The following C10orf90 variants were observed in gnomAD, a reference collection of about 807,000 sequenced individuals.
The protein encoded by C10orf90 is (E2-independent) E3 ubiquitin-conjugating enzyme FATS.
Under a neutral mutation model 62.5 loss-of-function variants are expected in C10orf90, and 56 were observed. That is an observed-to-expected ratio of 0.90 (90% CI 0.72 to 1.12). The LOEUF is 1.12. C10orf90 is among the 50% of genes most tolerant of loss of function. C10orf90 has a pLI of 0.00. For missense variants in C10orf90, 970 were observed against 880.4 expected, an observed-to-expected ratio of 1.10 and a Z score of -1.29; for synonymous variants, 386 against 340.4, an observed-to-expected ratio of 1.13 and a Z score of -1.47.
At chr10:126,466,281 A>G (rs1191487438) in intron 4 of C10orf90, among the ~76,000 whole-genome samples, 1 of 152,040 alleles carries the variant, frequency 6.6e-6, no homozygotes, top group Non-Finnish European at 1.5e-5. Flanking sequence ...TGGGAGGCCG[A>G]GGCGGGTGGA....
At chr10:126,484,109 T>C (rs1490267902) in intron 4 of C10orf90, among the ~76,000 whole-genome samples, 2 of 152,150 alleles carry the variant, frequency 1.3e-5, no homozygotes. Flanking sequence ...CAAAGAAAGT[T>C]ATCCTTCTCT....
intron 2 of C10orf90, among the ~76,000 whole-genome samples, chr10:126,548,271 A>G (rs1351299930): frequency 6.6e-6 from 1 of 152,116 alleles, no homozygotes; most frequent in Non-Finnish European, 1.5e-5. Context: ...GGCCGGGCAC[A>G]GTGGCTCGTG....
intron 2 of C10orf90, among the ~76,000 whole-genome samples, chr10:126,519,370 A>G (rs1228135225): frequency 2.0e-5 from 3 of 152,224 alleles, no homozygotes; most frequent in African/African-American, 7.2e-5. Flanking sequence ...TATCTCTACA[A>G]AAGTAGCAGA....
chr10:126,556,797 G>C (rs570035581), intron 2 of C10orf90, among the ~76,000 whole-genome samples: 2 of 152,112 alleles, frequency 1.3e-5, no homozygotes, highest in African/African-American at 4.8e-5. Flanking sequence ...GCAGGAGAGA[G>C]TTCCTGTAGA....
At chr10:126,454,224 A>G (rs1466456660) in intron 7 of C10orf90, among the ~76,000 whole-genome samples, 1 of 151,962 alleles carries the variant, frequency 6.6e-6, no homozygotes, top group Non-Finnish European at 1.5e-5. Context: ...ATATACCCCT[A>G]TGACCTGCAG....
At chr10:126,602,634 C>G (rs115997853) in intron 2 of C10orf90, among the ~76,000 whole-genome samples, 1 of 152,100 alleles carries the variant, frequency 6.6e-6, no homozygotes. Flanking sequence ...CATAACCACA[C>G]GAGTGCTTTG....
intron 2 of C10orf90, among the ~76,000 whole-genome samples, chr10:126,566,843 C>G (rs557872175): frequency 6.6e-6 from 1 of 152,232 alleles, no homozygotes; most frequent in East Asian, 1.9e-4. Flanking sequence ...ACACACAGGA[C>G]TTGATGATGG....
intron 2 of C10orf90, among the ~76,000 whole-genome samples, chr10:126,564,215 T>G (rs1844247668): frequency 6.6e-6 from 1 of 151,926 alleles, no homozygotes. Context: ...CAGCAGCAAC[T>G]TTCCTCTCCA....
chr10:126,516,908 C>G (rs1041495634), intron 2 of C10orf90, among the ~76,000 whole-genome samples: 1 of 143,762 alleles, frequency 7.0e-6, no homozygotes, highest in Non-Finnish European at 1.5e-5. Flanking sequence ...CTTCTGCTTC[C>G]AATATCACAT....
rs975547631 is a variant in C10orf90 at position 126,524,544 on chromosome 10, G to C, written c.314-10605C>G. On this transcript the variant is annotated intron_variant, in intron 2 of 9. Coordinates refer to ENST00000488181, the MANE Select transcript of C10orf90 (RefSeq NM_001350921.2). ...GAGTCAGGGCTTAGGCAGCAAGAAGGTGCACTGGGAGAAGCTGAAAGATGA... is the reference window on the plus strand; with the variant it reads ...GAGTCAGGGCTTAGGCAGCAAGAAGCTGCACTGGGAGAAGCTGAAAGATGA... The C allele has an allele frequency of 3.9e-6, 3 of 777,036 alleles. No homozygotes were observed. The African/African-American group carries it at 5.7e-5, about 15-fold the overall frequency. 48.1% of individuals were successfully genotyped at this position (777,036 alleles called of 1,614,324 possible).
intron 2 of C10orf90, among the ~76,000 whole-genome samples, chr10:126,598,291 C>A (rs1406833090): frequency 6.6e-6 from 1 of 152,200 alleles, no homozygotes; most frequent in South Asian, 2.1e-4. Flanking sequence ...TCTAGCAGGG[C>A]TAGCCTTTGG....
At chr10:126,603,120 T>G (rs926446097) in intron 2 of C10orf90, among the ~76,000 whole-genome samples, 1 of 151,872 alleles carries the variant, frequency 6.6e-6, no homozygotes, top group Non-Finnish European at 1.5e-5. Context: ...AGTCTGGAGG[T>G]GGAGCTGGAA....
At chr10:126,549,878 C>T (rs889635357) in intron 2 of C10orf90, among the ~76,000 whole-genome samples, 1 of 151,982 alleles carries the variant, frequency 6.6e-6, no homozygotes, top group Non-Finnish European at 1.5e-5. Flanking sequence ...CTGAATGAAC[C>T]TCCAAAGAAT....
At chr10:126,483,074 T>C (rs1353825040) in intron 4 of C10orf90, among the ~76,000 whole-genome samples, 3 of 152,256 alleles carry the variant, frequency 2.0e-5, no homozygotes, top group Non-Finnish European at 4.4e-5. Context: ...ATGACAGTTA[T>C]AGTGTGTGAA....
intron 2 of C10orf90, among the ~76,000 whole-genome samples, chr10:126,644,371 A>T (rs940557246): frequency 2.6e-5 from 4 of 152,208 alleles, no homozygotes; most frequent in Non-Finnish European, 5.9e-5. Flanking sequence ...TCTTAAACAG[A>T]TGGAAACAAC....
chr10:126,634,684 G>A (rs987670236), intron 2 of C10orf90, among the ~76,000 whole-genome samples: 13 of 152,042 alleles, frequency 8.6e-5, no homozygotes, highest in African/African-American at 2.7e-4. Context: ...TATCTATTAC[G>A]ACTACTCCTC....
intron 2 of C10orf90, among the ~76,000 whole-genome samples, chr10:126,563,944 T>C (rs1411956871): frequency 6.6e-6 from 1 of 152,134 alleles, no homozygotes; most frequent in African/African-American, 2.4e-5. Context: ...TGCTGACCCC[T>C]GGGGCCAGAG....
chr10:126,572,238 A>G, intron 2 of C10orf90, among the ~76,000 whole-genome samples: 1 of 152,290 alleles, frequency 6.6e-6, no homozygotes, highest in East Asian at 1.9e-4. Flanking sequence ...TGGCAATGCG[A>G]GTGACCTCTG....
In C10orf90 at chr10:126,670,689, C is replaced by T. The variant is rs1412558828; in HGVS notation, c.-209G>A. The stretch of plus-strand genomic sequence containing the variant: ...GTGGGAACCTCAGGGGTGACCTTTA[C>T]GTGCCAAAAAAAAAAAAAAAAAAAA... On this transcript the variant is annotated 5_prime_UTR_variant, in exon 1 of 10. Transcript: ENST00000488181. 1.2e-5 allele frequency among the ~76,000 whole-genome samples: 1 copy of T among 85,386 alleles called. No homozygotes were observed. Among genetic ancestry groups the T allele is most frequent in the Non-Finnish European group, 2.1e-5 (1 of 47,806 alleles). The allele number at this position is 85,386 out of a possible 152,430, so 56.0% of individuals were successfully genotyped here.
Sources: gnomAD v4.1 joint callset for allele counts (sites outside exome capture counted in the v4.1 genomes callset) on GRCh38, gnomAD v4.1.1 for gene constraint, MANE v1.5 for transcripts, NCBI Gene and HGNC (gene_info 2026-07-23, HGNC 2026-07-21) for gene names.